HMGXB4: variants seen among roughly 807,000 people sequenced by gnomAD.
HMGXB4 encodes the protein HMG-box containing 4.
A neutral mutation model predicts 63.9 loss-of-function variants in HMGXB4; 27 were observed. The ratio of observed to expected loss-of-function variants is 0.42; its 90% CI spans 0.31 to 0.58. The LOEUF (loss-of-function observed/expected upper bound fraction) is 0.58, where lower values mean the gene tolerates loss of function less well. Among genes scored for constraint, HMGXB4 ranks in the 20% least tolerant of loss-of-function variants. HMGXB4 has a pLI of 0.13. For synonymous variants in HMGXB4, 264 were observed against 265.3 expected (o/e 0.99, Z 0.05); for missense variants, 624 against 700.7 (o/e 0.89, Z 1.24).
chr22:35,292,512 C>G (rs1192714264), intron 9 of HMGXB4, among the ~76,000 whole-genome samples: 1 of 152,162 alleles, frequency 6.6e-6, no homozygotes, highest in African/African-American at 2.4e-5. Context: ...AAATTTGAAC[C>G]AAATTCACTT....
At chr22:35,270,915 T>G (rs1485768477) in intron 5 of HMGXB4, among the ~76,000 whole-genome samples, 1 of 152,188 alleles carries the variant, frequency 6.6e-6, no homozygotes, top group Non-Finnish European at 1.5e-5. Context: ...CCTATAAAGC[T>G]TTTTAAAAAT....
the HMGXB4 span, among the ~76,000 whole-genome samples, chr22:35,245,780 G>C: frequency 6.6e-6 from 1 of 152,134 alleles, no homozygotes; most frequent in Non-Finnish European, 1.5e-5. Flanking sequence ...ACACCAGAGG[G>C]GGGTTCCTCA....
rs1175646961 is a variant in HMGXB4 at position 35,265,322 on chromosome 22, T to G, written c.934T>G (p.Ser312Ala). The G allele has an allele frequency of 2.5e-6, 4 of 1,613,678 alleles. No individual in the cohort carries two copies. In the Admixed American group the frequency reaches 6.7e-5, roughly 27 times the overall value. Residue 312 changes from serine (S) to alanine (A), a missense_variant, in exon 5 of 11, where the codon TCT becomes GCT. Transcript: ENST00000216106. Reference sequence around the variant, plus strand: ...GGCTGGGGAGTTAGTGATAGATGATTCTTACCGAGAAATCAAGAAGAAAAA... The same window carrying G: ...GGCTGGGGAGTTAGTGATAGATGATGCTTACCGAGAAATCAAGAAGAAAAA... Reference protein sequence around the residue: ...LEAGELVIDDSYREIKKKKKS... With the variant: ...LEAGELVIDDAYREIKKKKKS...
At position 35,257,546 on chromosome 22, in the gene HMGXB4, A is replaced by G. The variant is rs1480722437; in HGVS notation, c.-80A>G. The G allele has an allele frequency of 1.3e-5, 2 of 152,728 alleles. No homozygotes were observed. Among genetic ancestry groups the G allele is most frequent in the Non-Finnish European group, 2.9e-5 (2 of 68,172 alleles). The allele number at this position is 152,728 out of a possible 1,614,324, so 9.5% of individuals were successfully genotyped here. On this transcript the variant is annotated 5_prime_UTR_variant, in exon 1 of 11. Transcript: ENST00000216106. ...GCGGCGTTGAGGCGGGATCCGGGCG[A>G]GCCGAGTGAAGGTAGCGGCGAGCGG... is the stretch of plus-strand genomic sequence containing the variant.
intron 5 of HMGXB4, among the ~76,000 whole-genome samples, chr22:35,271,771 A>T (rs1190924965): frequency 6.6e-6 from 1 of 152,234 alleles, no homozygotes; most frequent in Non-Finnish European, 1.5e-5. Context: ...CATCTCTCAG[A>T]TACCTTACGA....
Position 35,263,139 on chromosome 22 carries a change from A to G in HMGXB4, c.93A>G (p.Arg31=). The change falls in exon 3 of 11, where the codon CGA becomes CGG. Residue 31 remains arginine, a synonymous_variant. Coordinates refer to ENST00000216106, the MANE Select transcript of HMGXB4 (RefSeq NM_001003681.3). ...DIGLAAGRSQ[R]EKKRSYKDFL... ...GACTTGCAGCTGGCCGAAGCCAACG[A>G]GAGAAAAAACGTTCTTACAAAGATT... is the stretch of plus-strand genomic sequence containing the variant. The G allele has an allele frequency of 6.2e-7, 1 of 1,614,162 alleles. No homozygotes were observed. Among genetic ancestry groups the G allele is most frequent in the South Asian group, 1.1e-5 (1 of 91,082 alleles).
At chr22:35,254,111 T>A (rs1378990538), upstream of HMGXB4, among the ~76,000 whole-genome samples, 1 of 151,986 alleles carries the variant, frequency 6.6e-6, no homozygotes, top group African/African-American at 2.4e-5. Flanking sequence ...GAAAGAGATG[T>A]CCAAACCAAG....
chr22:35,242,283 G>T, the HMGXB4 span, among the ~76,000 whole-genome samples: 138 of 152,176 alleles, frequency 9.1e-4, no homozygotes, highest in Non-Finnish European at 1.6e-3. Context: ...GTTTTTTGAA[G>T]AATTGATCCA....
intron 5 of HMGXB4, among the ~76,000 whole-genome samples, chr22:35,270,178 G>C (rs1923520123): frequency 6.6e-6 from 1 of 152,164 alleles, no homozygotes; most frequent in South Asian, 2.1e-4. Flanking sequence ...AGCCATTGAA[G>C]CTTCATCTCT....
At chr22:35,267,804 T>G (rs1342372733) in intron 5 of HMGXB4, among the ~76,000 whole-genome samples, 1 of 152,224 alleles carries the variant, frequency 6.6e-6, no homozygotes, top group Admixed American at 6.5e-5. Flanking sequence ...TCTTTTTGCT[T>G]TATCATATAC....
chr22:35,247,229 A>G, the HMGXB4 span, among the ~76,000 whole-genome samples: 1 of 152,180 alleles, frequency 6.6e-6, no homozygotes, highest in African/African-American at 2.4e-5. Context: ...GATGCTTTCA[A>G]GGTTTGTTTC....
At chr22:35,285,065 A>C (rs1382676426) in intron 6 of HMGXB4, among the ~76,000 whole-genome samples, 7 of 152,184 alleles carry the variant, frequency 4.6e-5, no homozygotes, top group African/African-American at 1.7e-4. Flanking sequence ...AATTCTACAC[A>C]TATTTTTTAA....
intron 5 of HMGXB4, among the ~76,000 whole-genome samples, chr22:35,280,178 C>T (rs1347768366): frequency 6.6e-6 from 1 of 152,114 alleles, no homozygotes; most frequent in Non-Finnish European, 1.5e-5. Context: ...CATGTCTTGC[C>T]CACCCTTACG....
At chr22:35,282,217 C>T (rs1017415188) in intron 5 of HMGXB4, among the ~76,000 whole-genome samples, 2 of 152,158 alleles carry the variant, frequency 1.3e-5, no homozygotes, top group Non-Finnish European at 2.9e-5. Flanking sequence ...CGCTCTGTCG[C>T]CCAGGCTGGA....
chr22:35,277,307 T>A (rs1378763804), intron 5 of HMGXB4, among the ~76,000 whole-genome samples: 1 of 152,226 alleles, frequency 6.6e-6, no homozygotes, highest in Non-Finnish European at 1.5e-5. Flanking sequence ...TTTGTGTGTT[T>A]CTTAATGTTG....
chr22:35,263,192 C>T lies in HMGXB4; in HGVS notation c.146C>T (p.Ala49Val), dbSNP rs763889473. The stretch of plus-strand genomic sequence containing the variant: ...TTAAGGGAAGAGGAAGAAATTGCTG[C>T]TCAGGTCAGGAATTCTTCCAAGAAG... ...DFLREEEEIA[A>V]QVRNSSKKKL... The change falls in exon 3 of 11, where the codon GCT becomes GTT. Residue 49 changes from alanine to valine, a missense_variant. This residue lies in a region of HMGXB4 where 472 missense variants were observed against 470.6 expected (regional missense o/e 1.00). Transcript: ENST00000216106. 6.2e-7 allele frequency: 1 copy of T among 1,613,910 alleles called. No homozygotes were observed. Among genetic ancestry groups the T allele is most frequent in the South Asian group, 1.1e-5 (1 of 91,080 alleles).
rs1029978271 is a variant in HMGXB4 at position 35,276,589 on chromosome 22, G to A, written c.1216-7373G>A. On this transcript the variant is annotated intron_variant, in intron 5 of 10. Transcript: ENST00000216106. ...GTACCCTTTACATGAACTCATGGGC[G>A]AGGGTGTGTATGTGTTTGGGTGTGC... 3.3e-5 allele frequency among the ~76,000 whole-genome samples: 5 copies of A among 152,166 alleles called. No individual in the cohort carries two copies. In the East Asian group the frequency reaches 5.8e-4, roughly 18 times the overall value.
intron 5 of HMGXB4, among the ~76,000 whole-genome samples, chr22:35,271,543 C>T (rs1013937519): frequency 6.6e-6 from 1 of 152,210 alleles, no homozygotes; most frequent in Non-Finnish European, 1.5e-5. Context: ...TATTCACCCA[C>T]TTACAAACAA....
At position 35,286,080 on chromosome 22, in the gene HMGXB4, A is replaced by G. The variant is rs775210168; in HGVS notation, c.1362+19A>G. 1.3e-6 allele frequency: 2 copies of G among 1,575,150 alleles called. No homozygotes were observed. The highest frequency in any genetic ancestry group is 8.7e-7 in the Non-Finnish European group (1 of 1,152,616). On this transcript the variant is annotated intron_variant, in intron 7 of 10. Transcript: ENST00000216106. Reference sequence around the variant, plus strand: ...CAAACTGGTAAGTACATTTTCTTACAAACATATTTTTCAGTGCTTCTCGCC... The same window carrying G: ...CAAACTGGTAAGTACATTTTCTTACGAACATATTTTTCAGTGCTTCTCGCC...
Sources: allele counts gnomAD v4.1 joint callset (sites outside exome capture counted in the v4.1 genomes callset), GRCh38; gene constraint gnomAD v4.1.1; regional missense constraint gnomAD v4.1.1; transcripts MANE v1.5; gene names NCBI Gene and HGNC (gene_info 2026-07-23, HGNC 2026-07-21).